The following INVS variants were observed in gnomAD, a reference collection of about 807,000 sequenced individuals.
INVS encodes inversion of embryo turning homolog.
In INVS, 86 loss-of-function variants were observed where a neutral mutation model predicts 108.8. The ratio of observed to expected loss-of-function variants is 0.79; its 90% CI spans 0.66 to 0.95. The LOEUF (loss-of-function observed/expected upper bound fraction) is 0.95, where lower values mean the gene tolerates loss of function less well. INVS is among the 40% of genes least tolerant of loss of function. INVS has a pLI of 0.00. For missense variants in INVS, 1,169 were observed against 1,297.4 expected (o/e 0.90, Z 1.52); for synonymous variants, 455 against 473.5 (o/e 0.96, Z 0.51).
At position 100,112,998 on chromosome 9, in the gene INVS, C is replaced by T. The variant is rs1827390940; in HGVS notation, c.106+8371C>T. ...TAACAAGATGCCAGTAGAGACTGCC[C>T]TTTAATCATGAAAGACAACTAGAGA... On this transcript the variant is annotated intron_variant, in intron 2 of 16. Coordinates refer to ENST00000262457, the MANE Select transcript of INVS (RefSeq NM_014425.5). Among the ~76,000 whole-genome samples the T allele has an allele frequency of 2.0e-5, 3 of 152,178 alleles. No homozygotes were observed. The South Asian group carries it at 6.2e-4, about 31-fold the overall frequency.
intron 3 of INVS, among the ~76,000 whole-genome samples, chr9:100,169,913 T>G (rs533655650): frequency 6.6e-6 from 1 of 152,338 alleles, no homozygotes; most frequent in South Asian, 2.1e-4. Flanking sequence ...TGGATGAACC[T>G]GGTTATCTCA....
chr9:100,175,471 G>T, intron 3 of INVS: 1 of 849,124 alleles, frequency 1.2e-6, no homozygotes, highest in East Asian at 2.5e-5. Context: ...TGTGTACTCA[G>T]TGATAGATTT....
intron 3 of INVS, among the ~76,000 whole-genome samples, chr9:100,149,562 C>A (rs1367547639): frequency 6.6e-6 from 1 of 152,174 alleles, no homozygotes; most frequent in African/African-American, 2.4e-5. Flanking sequence ...CCTATCCTCT[C>A]ATTTTCCAGT....
intron 3 of INVS, among the ~76,000 whole-genome samples, chr9:100,169,225 A>C (rs1829460195): frequency 6.6e-6 from 1 of 152,206 alleles, no homozygotes; most frequent in African/African-American, 2.4e-5. Flanking sequence ...ACTTCTTCAA[A>C]GGAATGCCTA....
chr9:100,251,774 G>A (rs1306780227), intron 8 of INVS, among the ~76,000 whole-genome samples: 5 of 152,136 alleles, frequency 3.3e-5, no homozygotes, highest in East Asian at 1.9e-4. Flanking sequence ...CAAGATGTGC[G>A]TGCTTTCAGT....
At position 100,297,035 on chromosome 9, in the gene INVS, C is replaced by G. The variant is rs1833811478; in HGVS notation, c.2905C>G (p.Leu969Val). The change falls in exon 15 of 17, where the codon CTG (leucine) becomes GTG (valine). Residue 969 changes from leucine (L) to valine (V), a missense_variant. Coordinates refer to ENST00000262457, the MANE Select transcript of INVS (RefSeq NM_014425.5). ...ALLLQVWRKE[L>V]ELKFPQTTAV... ...GCTCCTCCAGGTTTGGAGGAAGGAA[C>G]TGGAACTAAAATTCCCCCAAACCAC... 1 of 1,613,990 alleles carries G rather than the reference C, an allele frequency of 6.2e-7. No individual in the cohort carries two copies. The highest frequency in any genetic ancestry group is 1.7e-5 in the Admixed American group (1 of 60,008).
At chr9:100,159,950 G>A (rs529874537) in intron 3 of INVS, among the ~76,000 whole-genome samples, 54 of 152,260 alleles carry the variant, frequency 3.5e-4, no homozygotes, top group Admixed American at 1.4e-3. Context: ...CCCAAACTAT[G>A]TGTCCTCAGT....
At chr9:100,221,052 A>G (rs16919002) in intron 3 of INVS, among the ~76,000 whole-genome samples, 26,034 of 151,976 alleles carry the variant, frequency 0.17, 3,336 homozygotes, top group African/African-American at 0.36. Context: ...AAAACATAAG[A>G]ACTCCTCAGT....
intron 3 of INVS, among the ~76,000 whole-genome samples, chr9:100,186,278 T>G (rs1219280393): frequency 6.6e-6 from 1 of 152,112 alleles, no homozygotes; most frequent in Non-Finnish European, 1.5e-5. Flanking sequence ...GCCCCCTCAG[T>G]AGCTGGGATT....
At chr9:100,225,044 T>C (rs1831268681) in intron 3 of INVS, among the ~76,000 whole-genome samples, 1 of 151,576 alleles carries the variant, frequency 6.6e-6, no homozygotes. Context: ...GAGTCTGGGA[T>C]CCAAACTTGG....
At chr9:100,278,451 C>T (rs1833175107) in intron 12 of INVS, among the ~76,000 whole-genome samples, 2 of 152,114 alleles carry the variant, frequency 1.3e-5, no homozygotes, top group African/African-American at 4.8e-5. Context: ...GCACTCATCA[C>T]ATCTAGAACT....
chr9:100,243,171 A>G (rs1388960231), intron 7 of INVS, among the ~76,000 whole-genome samples: 5 of 152,184 alleles, frequency 3.3e-5, no homozygotes, highest in Non-Finnish European at 7.3e-5. Context: ...AGAACATCTT[A>G]GTGTTCAGCC....
At chr9:100,245,169 C>CT (rs1367750429) in intron 7 of INVS, among the ~76,000 whole-genome samples, 1 of 152,156 alleles carries the variant, frequency 6.6e-6, no homozygotes, top group African/African-American at 2.4e-5. Flanking sequence ...TTATGTGAGT[C>CT]TGAGTTCAGA....
rs1239923521 is a variant in INVS at position 100,170,071 on chromosome 9, A to G, written c.273+43522A>G. ...GAAGGTCAGCAAAATTCTCAATACT[A>G]CTGACTAAGAATTTAGAATTATGGT... is the stretch of plus-strand genomic sequence containing the variant. On this transcript the variant is annotated intron_variant, in intron 3 of 16. Coordinates refer to ENST00000262457, the MANE Select transcript of INVS (RefSeq NM_014425.5). Among the ~76,000 whole-genome samples the G allele has an allele frequency of 4.6e-5, 7 of 152,354 alleles. No homozygotes were observed. The South Asian group carries it at 1.2e-3, about 27-fold the overall frequency.
At chr9:100,146,430 A>G (rs1181698928) in intron 3 of INVS, among the ~76,000 whole-genome samples, 1 of 152,132 alleles carries the variant, frequency 6.6e-6, no homozygotes, top group African/African-American at 2.4e-5. Context: ...TTGTGGTGGA[A>G]TGTCATCAGT....
chr9:100,238,572 A>G (rs1408105633), intron 5 of INVS, among the ~76,000 whole-genome samples: 1 of 152,038 alleles, frequency 6.6e-6, no homozygotes, highest in African/African-American at 2.4e-5. Flanking sequence ...CTCCAATTAT[A>G]TATCTTTTAA....
chr9:100,163,149 G>GCA (rs1829244337), intron 3 of INVS, among the ~76,000 whole-genome samples: 1 of 151,300 alleles, frequency 6.6e-6, no homozygotes, highest in Non-Finnish European at 1.5e-5. Context: ...TGCCACTGGG[G>GCA]TGACCCTAAC....
intron 3 of INVS, among the ~76,000 whole-genome samples, chr9:100,193,298 A>AT (rs1830280778): frequency 1.3e-5 from 2 of 152,070 alleles, no homozygotes; most frequent in East Asian, 1.9e-4. Context: ...ATTTTGATTG[A>AT]TTTTTTAAAT....
Position 100,221,923 on chromosome 9 carries a change from T to C in INVS, c.274-4139T>C, listed in dbSNP as rs185872078. On this transcript the variant is annotated intron_variant, in intron 3 of 16. Coordinates refer to ENST00000262457, the MANE Select transcript of INVS (RefSeq NM_014425.5). ...TATAAATTAAACTTTACCATAGATATGTGTGTATATGAAAAAAATAGTATA... is the reference window on the plus strand; with the variant it reads ...TATAAATTAAACTTTACCATAGATACGTGTGTATATGAAAAAAATAGTATA... 2.6e-5 allele frequency among the ~76,000 whole-genome samples: 4 copies of C among 151,830 alleles called. No homozygotes were observed. The East Asian group carries it at 7.7e-4, about 29-fold the overall frequency.
Sources: gnomAD v4.1 joint callset for allele counts (sites outside exome capture counted in the v4.1 genomes callset) on GRCh38, gnomAD v4.1.1 for gene constraint, MANE v1.5 for transcripts, NCBI Gene and HGNC (gene_info 2026-07-23, HGNC 2026-07-21) for gene names.